Variants in CDH23 observed in about 807,000 individuals in gnomAD.
The protein encoded by CDH23 is cadherin related 23.
A neutral mutation model predicts 317.1 loss-of-function variants in CDH23; 189 were observed. That is an observed-to-expected ratio of 0.60 (90% CI 0.53 to 0.67). The LOEUF is 0.67. CDH23 is among the 30% of genes least tolerant of loss of function. The pLI, the probability that CDH23 is intolerant of heterozygous loss-of-function variation, is 0.00. For synonymous variants in CDH23, 1,839 were observed against 1,876.8 expected (o/e 0.98, Z 0.52); for missense variants, 4,401 against 4,592.4 (o/e 0.96, Z 1.20).
chr10:71,588,923 C>G (rs56031530), intron 9 of CDH23, among the ~76,000 whole-genome samples: 1 of 152,190 alleles, frequency 6.6e-6, no homozygotes, highest in Non-Finnish European at 1.5e-5. Context: ...TCTGCTCATC[C>G]CCCTGCTGCA....
At chr10:71,509,937 G>T (rs1311058951) in intron 3 of CDH23, 145 bp from the exon 4 acceptor site, 2 of 824,958 alleles carry the variant, frequency 2.4e-6, no homozygotes, top group Non-Finnish European at 3.9e-6. Flanking sequence ...TCCCAGATGC[G>T]CCAGGGCCTT....
chr10:71,439,526 C>T (rs1378527571), intron 1 of CDH23, among the ~76,000 whole-genome samples: 1 of 152,164 alleles, frequency 6.6e-6, no homozygotes, highest in Non-Finnish European at 1.5e-5. Flanking sequence ...ACTCTTTGCC[C>T]AGAGTCCCCT....
In CDH23 at chr10:71,704,790, G is replaced by A. The variant is rs1009090625; in HGVS notation, c.2734-121G>A. The stretch of plus-strand genomic sequence containing the variant: ...GTGGCCTGGCCTAAGGCTTGGAGGG[G>A]AGCAGATGTGTCTAGCTGCAGCCAA... On this transcript the variant is annotated intron_variant, in intron 24 of 69. Transcript: ENST00000224721. 1.7e-5 allele frequency: 13 copies of A among 780,216 alleles called. No individual in the cohort carries two copies. The African/African-American group carries it at 2.2e-4, about 13-fold the overall frequency. The allele number at this position is 780,216 out of a possible 1,614,324, so 48.3% of individuals were successfully genotyped here.
chr10:71,582,729 C>T lies in CDH23; in HGVS notation c.832+4737C>T, dbSNP rs372169395. Among the ~76,000 whole-genome samples the T allele has an allele frequency of 4.1e-4, 63 of 152,326 alleles. 2 individuals carry two copies. The East Asian group carries it at 9.7e-3, about 23-fold the overall frequency. ...ATCTCGTAGCTAAGGCACTGAGCAG[C>T]GTGGACTCTTCATTCCCACCCACAG... On this transcript the variant is annotated intron_variant, in intron 9 of 69. Transcript: ENST00000224721.
intron 43 of CDH23, 139 bp from the exon 44 acceptor site, chr10:71,785,492 C>A: frequency 1.6e-6 from 1 of 643,470 alleles, no homozygotes; most frequent in South Asian, 1.8e-5. Context: ...CCGGCGAGAC[C>A]CTGCCGACCC....
At chr10:71,406,120 A>T (rs1217539176) in intron 1 of CDH23, among the ~76,000 whole-genome samples, 1 of 151,438 alleles carries the variant, frequency 6.6e-6, no homozygotes, top group Non-Finnish European at 1.5e-5. Context: ...GGCTCAAGTG[A>T]TCTTCCCACC....
chr10:71,555,863 G>A (rs1340467435), intron 6 of CDH23, among the ~76,000 whole-genome samples: 2 of 152,208 alleles, frequency 1.3e-5, no homozygotes, highest in Non-Finnish European at 2.9e-5. Context: ...AGCTCTGCAT[G>A]TCCAGCATGT....
intron 1 of CDH23, 21 bp from the exon 2 acceptor site, chr10:71,439,801 CCTCTT>C (rs760684736): frequency 6.5e-7 from 1 of 1,540,110 alleles, no homozygotes; most frequent in Non-Finnish European, 8.8e-7. Context: ...AGCTTCTCAC[CCTCTT>C]CTCTTTCTTT....
Position 71,561,863 on chromosome 10 carries a change from G to C in CDH23, c.430-4879G>C, listed in dbSNP as rs115648924. Among the ~76,000 whole-genome samples, 180 of 152,204 alleles carry C rather than the reference G, an allele frequency of 1.2e-3. 2 individuals are homozygous for C. Among genetic ancestry groups the C allele is most frequent in the African/African-American group, 4.2e-3 (176 of 41,490 alleles). ...GGGCAGGGGGGTACCATGAAGGAGG[G>C]GAGGAGGGAAGCAGGGGTGGGGCAG... On this transcript the variant is annotated intron_variant, in intron 6 of 69. Coordinates refer to ENST00000224721, the MANE Select transcript of CDH23 (RefSeq NM_022124.6).
intron 19 of CDH23, among the ~76,000 whole-genome samples, chr10:71,688,108 C>T (rs926750774): frequency 1.3e-5 from 2 of 152,150 alleles, no homozygotes; most frequent in African/African-American, 4.8e-5. Flanking sequence ...AGAGGGGTGG[C>T]CTTACAGCGG....
At position 71,609,951 on chromosome 10, in the gene CDH23, CGTGTGTGTGTGTGTGT is replaced by C. The variant is rs34311857; in HGVS notation, c.833-5523_833-5508del. 1.2e-3 allele frequency among the ~76,000 whole-genome samples: 168 copies of C among 142,848 alleles called. 2 individuals are homozygous for C. The highest frequency in any genetic ancestry group is 0.011 in the East Asian group (54 of 4,746). 93.7% of individuals were successfully genotyped at this position (142,848 alleles called of 152,430 possible). ...TTTCCAGAATGTGTAAGGACTCCCC[CGTGTGTGTGTGTGTGT>C]GTGTGTGTGTGTGTGTGTGTGTGTG... is the stretch of plus-strand genomic sequence containing the variant. On this transcript the variant is annotated intron_variant, in intron 9 of 69. Coordinates refer to ENST00000224721, the MANE Select transcript of CDH23 (RefSeq NM_022124.6).
intron 6 of CDH23, among the ~76,000 whole-genome samples, chr10:71,538,761 G>T (rs540440538): frequency 6.6e-6 from 1 of 152,150 alleles, no homozygotes; most frequent in Non-Finnish European, 1.5e-5. Flanking sequence ...AGTGCATCTG[G>T]GTTCTGAAAG....
intron 38 of CDH23, among the ~76,000 whole-genome samples, chr10:71,759,973 A>C (rs1180254174): frequency 4.2e-5 from 4 of 95,410 alleles, no homozygotes; most frequent in Admixed American, 1.1e-4. Flanking sequence ...ATATATATAC[A>C]CACACACATA....
intron 17 of CDH23, 85 bp from the exon 18 acceptor site, chr10:71,682,354 GCCATAA>G (rs1864687988): frequency 6.6e-7 from 1 of 1,524,128 alleles, no homozygotes; most frequent in Non-Finnish European, 8.9e-7. Flanking sequence ...GGCCATGCCA[GCCATAA>G]CTTCTCTGCC....
At chr10:71,773,762 A>C (rs1469912916) in intron 38 of CDH23, among the ~76,000 whole-genome samples, 2 of 152,106 alleles carry the variant, frequency 1.3e-5, no homozygotes, top group East Asian at 3.9e-4. Context: ...GAGAGAAATT[A>C]TTATTGCTGC....
At chr10:71,707,192 G>C (rs1865826000) in intron 26 of CDH23, 143 bp downstream of exon 26, 4 of 1,517,558 alleles carry the variant, frequency 2.6e-6, no homozygotes, top group Non-Finnish European at 3.5e-6. Flanking sequence ...GCCTCTGGTG[G>C]TGCCTCCCGA....
chr10:71,651,830 A>C (rs528325577), intron 14 of CDH23, among the ~76,000 whole-genome samples: 1 of 152,316 alleles, frequency 6.6e-6, no homozygotes, highest in South Asian at 2.1e-4. Context: ...CAGTTGGCAG[A>C]GGTGGTACCT....
At chr10:71,652,180 G>T (rs1863207078) in intron 14 of CDH23, among the ~76,000 whole-genome samples, 1 of 152,204 alleles carries the variant, frequency 6.6e-6, no homozygotes, top group African/African-American at 2.4e-5. Context: ...CCACCTCTCA[G>T]CTCCAGACAG....
chr10:71,770,085 G>T (rs1171852522), intron 38 of CDH23, among the ~76,000 whole-genome samples: 2 of 152,226 alleles, frequency 1.3e-5, no homozygotes, highest in African/African-American at 4.8e-5. Flanking sequence ...GGAGAATCTA[G>T]TCCCAGTGAA....
Sources: gnomAD v4.1 joint callset for allele counts (sites outside exome capture counted in the v4.1 genomes callset) on GRCh38, gnomAD v4.1.1 for gene constraint, MANE v1.5 for transcripts, NCBI Gene and HGNC (gene_info 2026-07-23, HGNC 2026-07-21) for gene names.